The following JADE3 variants were observed in gnomAD, a reference collection of about 807,000 sequenced individuals.
JADE3 encodes jade family PHD finger 3, also known as protein Jade-3.
JADE3 carries 2 observed loss-of-function variants against 50.1 expected under a neutral mutation model. The ratio of observed to expected loss-of-function variants is 0.04; its 90% CI spans 0.02 to 0.13. JADE3 has a LOEUF of 0.13. Ranked by LOEUF, JADE3 falls within the 10% of genes least tolerant of loss-of-function variation. The pLI, the probability that JADE3 is intolerant of heterozygous loss-of-function variation, is 1.00. For synonymous variants in JADE3, 218 were observed against 232.9 expected, an observed-to-expected ratio of 0.94 and a Z score of 0.58; for missense variants, 475 against 634.4, an observed-to-expected ratio of 0.75 and a Z score of 2.70.
chrX:46,990,082 TG>T (rs1428196591), intron 3 of JADE3, among the ~76,000 whole-genome samples: 3 of 14,879 alleles, frequency 2.0e-4, no homozygotes, highest in Non-Finnish European at 3.7e-3. Flanking sequence ...TGAGACTTTC[TG>T]TTTTTTGTTT....
intron 1 of JADE3, among the ~76,000 whole-genome samples, chrX:46,935,027 A>G (rs1018398066): frequency 1.8e-5 from 2 of 111,085 alleles, no homozygotes; most frequent in East Asian, 5.7e-4. Context: ...TCCACCTCCC[A>G]GGTTCAAGCC....
intron 3 of JADE3, among the ~76,000 whole-genome samples, chrX:46,992,380 C>A (rs1369101510): frequency 5.1e-5 from 3 of 58,782 alleles, no homozygotes; most frequent in East Asian, 5.5e-4. Flanking sequence ...CCCCCCCCCC[C>A]ATAACTACAG....
chrX:46,949,943 A>G (rs1926967235), intron 1 of JADE3, among the ~76,000 whole-genome samples: 1 of 112,021 alleles, frequency 8.9e-6, no homozygotes. Context: ...CAAAGACTGG[A>G]AACAACCCAA....
chrX:46,940,583 A>G (rs1158895432), intron 1 of JADE3, among the ~76,000 whole-genome samples: 1 of 111,198 alleles, frequency 9.0e-6, no homozygotes, highest in Non-Finnish European at 1.9e-5. Flanking sequence ...CTCTATGGCT[A>G]GTGGGAGGAA....
intron 1 of JADE3, among the ~76,000 whole-genome samples, chrX:46,919,770 C>T (rs949408397): frequency 1.8e-5 from 2 of 111,121 alleles, no homozygotes; most frequent in Admixed American, 9.7e-5. Context: ...CAGAAAATTG[C>T]CTGGTGGTAG....
chrX:47,026,786 C>A (rs966884488), intron 5 of JADE3, among the ~76,000 whole-genome samples: 20 of 111,681 alleles, frequency 1.8e-4, no homozygotes, highest in African/African-American at 6.5e-4. Context: ...CAGTGGGTTT[C>A]TTATTATTAT....
chrX:46,961,817 C>A (rs1556347743), intron 1 of JADE3, among the ~76,000 whole-genome samples: 8 of 112,022 alleles, frequency 7.1e-5, no homozygotes, highest in Non-Finnish European at 5.6e-5. Context: ...ACCATTGAAG[C>A]TGAAATTATG....
chrX:47,036,402 G>A (rs1351982930), intron 7 of JADE3, among the ~76,000 whole-genome samples: 69 of 109,455 alleles, frequency 6.3e-4, no homozygotes, highest in Middle Eastern at 4.7e-3. Context: ...TCAAAACCAC[G>A]ATGAGATACC....
At chrX:47,017,309 G>A (rs1160229769) in intron 4 of JADE3, among the ~76,000 whole-genome samples, 1 of 111,850 alleles carries the variant, frequency 8.9e-6, no homozygotes, top group Admixed American at 9.5e-5. Context: ...AATAAAGATG[G>A]TGTTAACCCT....
Position 47,058,861 on chromosome X carries a change from C to T in JADE3, c.2256C>T (p.Leu752=), listed in dbSNP as rs1193009755. Residue 752 remains leucine, a synonymous_variant, in exon 11 of 11, where the codon CTC becomes CTT. Coordinates refer to ENST00000614628, the MANE Select transcript of JADE3 (RefSeq NM_014735.5). ...PKEQFWGRQV[L]RRSAGRAPYQ... is the part of the protein sequence containing the mutation. ...AGCAGTTCTGGGGTAGACAGGTTCT[C>T]AGGCGGTCTGCAGGGAGAGCTCCAT... is the stretch of plus-strand genomic sequence containing the variant. 5.0e-6 allele frequency: 6 copies of T among 1,208,919 alleles called. No homozygotes were observed. In the African/African-American group the frequency reaches 7.0e-5, roughly 14 times the overall value.
chrX:47,058,707 A>C lies in JADE3; in HGVS notation c.2102A>C (p.Gln701Pro). Reference sequence around the variant, plus strand: ...GTGTTCAGCCCCCACTTGGTCAGTCAGGGCAGCTTTAGAAAATCCACTGTA... The same window carrying C: ...GTGTTCAGCCCCCACTTGGTCAGTCCGGGCAGCTTTAGAAAATCCACTGTA... Reference protein sequence around the residue: ...EPVFSPHLVSQGSFRKSTVEH... With the variant: ...EPVFSPHLVSPGSFRKSTVEH... The change falls in exon 11 of 11, where the codon CAG becomes CCG. Residue 701 changes from glutamine (Q) to proline (P), a missense_variant. Physicochemically the swap from Gln to Pro is moderately conservative, Grantham distance 76. Around this residue, in one of 6 missense-constraint regions of JADE3, gnomAD observed 243 missense variants for 238.2 expected, o/e 1.02. Coordinates refer to ENST00000614628, the MANE Select transcript of JADE3 (RefSeq NM_014735.5). 1 of 1,211,317 alleles carries C rather than the reference A, an allele frequency of 8.3e-7. No individual in the cohort carries two copies. The highest frequency in any genetic ancestry group is 1.1e-6 in the Non-Finnish European group (1 of 895,213).
intron 8 of JADE3, among the ~76,000 whole-genome samples, chrX:47,041,303 A>G (rs1377357636): frequency 9.0e-6 from 1 of 111,717 alleles, no homozygotes; most frequent in African/African-American, 3.3e-5. Context: ...TATATTTTTC[A>G]TTTTTCAGTT....
intron 1 of JADE3, among the ~76,000 whole-genome samples, chrX:46,977,265 A>T (rs1927646681): frequency 9.0e-6 from 1 of 111,600 alleles, no homozygotes; most frequent in Non-Finnish European, 1.9e-5. Context: ...GGGCTGAGGC[A>T]TGAGAATCGC....
At chrX:46,957,160 C>G (rs1482185216) in intron 1 of JADE3, among the ~76,000 whole-genome samples, 1 of 110,490 alleles carries the variant, frequency 9.1e-6, no homozygotes, top group African/African-American at 3.3e-5. Flanking sequence ...GCTTATTTCT[C>G]CTTTGGTCAC....
intron 4 of JADE3, among the ~76,000 whole-genome samples, chrX:47,015,680 C>A (rs926106315): frequency 3.7e-5 from 4 of 107,381 alleles, no homozygotes; most frequent in Non-Finnish European, 7.7e-5. Flanking sequence ...TATTGGGATA[C>A]GCCATTTGTT....
At chrX:47,047,073 T>C (rs1929393817) in intron 8 of JADE3, among the ~76,000 whole-genome samples, 1 of 111,676 alleles carries the variant, frequency 9.0e-6, no homozygotes, top group South Asian at 3.7e-4. Context: ...GGCTCATACC[T>C]AAAATCCCAG....
intron 1 of JADE3, among the ~76,000 whole-genome samples, chrX:46,924,074 C>T (rs1556338351): frequency 8.9e-6 from 1 of 111,874 alleles, no homozygotes; most frequent in African/African-American, 3.2e-5. Context: ...GTTTCAAGTC[C>T]TTCCCCCAAA....
At chrX:46,974,213 G>A (rs1927561128) in intron 1 of JADE3, among the ~76,000 whole-genome samples, 1 of 111,582 alleles carries the variant, frequency 9.0e-6, no homozygotes, top group Non-Finnish European at 1.9e-5. Context: ...AGACCAGCCT[G>A]ACCAACATGG....
intron 8 of JADE3, among the ~76,000 whole-genome samples, chrX:47,045,285 GA>G (rs781893687): frequency 9.0e-6 from 1 of 111,196 alleles, no homozygotes; most frequent in Non-Finnish European, 1.9e-5. Flanking sequence ...ATACTTAATA[GA>G]AAAAAACTAT....
Sources: gnomAD v4.1 joint callset for allele counts (sites outside exome capture counted in the v4.1 genomes callset) on GRCh38, gnomAD v4.1.1 for gene constraint, gnomAD v4.1.1 regional missense constraint, MANE v1.5 for transcripts, NCBI Gene and HGNC (gene_info 2026-07-23, HGNC 2026-07-21) for gene names.